C12orf54: variants seen among roughly 807,000 people sequenced by gnomAD.
C12orf54 encodes uncharacterized protein C12orf54.
A neutral mutation model predicts 26.4 loss-of-function variants in C12orf54; 24 were observed. That is an observed-to-expected ratio of 0.91 (90% CI 0.66 to 1.28). C12orf54 has a LOEUF of 1.28. C12orf54 is among the 50% of genes most tolerant of loss of function. C12orf54 has a pLI of 0.00. For missense variants in C12orf54, 154 were observed against 150.9 expected, an observed-to-expected ratio of 1.02 and a Z score of -0.11; for synonymous variants, 54 against 47.0, an observed-to-expected ratio of 1.15 and a Z score of -0.61.
intron 6 of C12orf54, among the ~76,000 whole-genome samples, chr12:48,491,600 C>T (rs551304432): frequency 6.6e-6 from 1 of 152,100 alleles, no homozygotes; most frequent in South Asian, 2.1e-4. Context: ...AAAAGGGGAA[C>T]AGCTTCCCAA....
chr12:48,439,806 G>GGT, the C12orf54 span, among the ~76,000 whole-genome samples: 1 of 152,010 alleles, frequency 6.6e-6, no homozygotes, highest in Non-Finnish European at 1.5e-5. Context: ...TAAATGATGA[G>GGT]GTAATGGGTG....
intron 8 of C12orf54, 120 bp from the exon 9 acceptor site, chr12:48,496,061 G>A (rs992773330): frequency 6.6e-6 from 1 of 152,208 alleles, no homozygotes; most frequent in African/African-American, 2.4e-5. Context: ...GGGGTCATGA[G>A]GGTAGAAGCG....
intron 3 of C12orf54, 126 bp from the exon 4 acceptor site, chr12:48,486,562 G>A (rs1490825800): frequency 4.1e-5 from 39 of 948,830 alleles, no homozygotes; most frequent in Non-Finnish European, 5.5e-5. Context: ...CTGAGAAATG[G>A]GGTGATTTTG....
chr12:48,463,038 A>C, the C12orf54 span, among the ~76,000 whole-genome samples: 1 of 151,966 alleles, frequency 6.6e-6, no homozygotes, highest in African/African-American at 2.4e-5. Context: ...GAGTTTAGCA[A>C]GGTTGCAGAA....
the C12orf54 span, among the ~76,000 whole-genome samples, chr12:48,423,785 A>G: frequency 6.6e-6 from 1 of 152,040 alleles, no homozygotes; most frequent in Non-Finnish European, 1.5e-5. Flanking sequence ...CCATTAATCT[A>G]TTAATAAAGA....
the C12orf54 span, among the ~76,000 whole-genome samples, chr12:48,432,067 A>G: frequency 6.6e-6 from 1 of 152,236 alleles, no homozygotes; most frequent in Non-Finnish European, 1.5e-5. Context: ...GGAAATTCCT[A>G]AGTTAAATAC....
At chr12:48,477,971 T>C (rs1381287668), upstream of C12orf54, among the ~76,000 whole-genome samples, 1 of 152,154 alleles carries the variant, frequency 6.6e-6, no homozygotes, top group Non-Finnish European at 1.5e-5. Flanking sequence ...CCAATATCCT[T>C]GATGAACATT....
chr12:48,480,608 G>C (rs575926224), upstream of C12orf54, among the ~76,000 whole-genome samples: 2 of 152,086 alleles, frequency 1.3e-5, no homozygotes, highest in Admixed American at 1.3e-4. Flanking sequence ...ACTGCTGGTG[G>C]GGATGCAAAT....
chr12:48,451,783 G>A, the C12orf54 span, among the ~76,000 whole-genome samples: 4 of 152,284 alleles, frequency 2.6e-5, no homozygotes, highest in South Asian at 8.3e-4. Context: ...GCTAAGAAGG[G>A]AAGCAAAGGA....
At chr12:48,486,659 T>C (rs368400029) in intron 3 of C12orf54, 29 bp from the exon 4 acceptor site, 1 of 1,601,440 alleles carries the variant, frequency 6.2e-7, no homozygotes, top group East Asian at 2.2e-5. Context: ...TGGGATATTG[T>C]TTCCAACATT....
chr12:48,453,159 A>G, the C12orf54 span, among the ~76,000 whole-genome samples: 3 of 152,194 alleles, frequency 2.0e-5, no homozygotes, highest in African/African-American at 7.2e-5. Flanking sequence ...ATGCAGCCAT[A>G]AAAAGGAACG....
At chr12:48,483,452 A>C in intron 2 of C12orf54, 91 bp downstream of exon 2, 1 of 1,231,152 alleles carries the variant, frequency 8.1e-7, no homozygotes, top group Non-Finnish European at 1.2e-6. Flanking sequence ...ATGGCTCTTC[A>C]TTTGGCTTCA....
At chr12:48,492,496 G>A (rs757626708) in intron 6 of C12orf54, among the ~76,000 whole-genome samples, 57 of 152,196 alleles carry the variant, frequency 3.7e-4, no homozygotes, top group Non-Finnish European at 1.6e-4. Context: ...TACCTGGGCT[G>A]TAAAAAGGTG....
the C12orf54 span, among the ~76,000 whole-genome samples, chr12:48,418,494 A>T: frequency 1.3e-5 from 2 of 152,214 alleles, no homozygotes; most frequent in Non-Finnish European, 2.9e-5. Flanking sequence ...AAAGGAAGAG[A>T]TGACTTAACA....
At chr12:48,487,537 G>T (rs1937678061) in intron 4 of C12orf54, among the ~76,000 whole-genome samples, 1 of 152,270 alleles carries the variant, frequency 6.6e-6, no homozygotes, top group East Asian at 1.9e-4. Context: ...ACTATTTCAT[G>T]TTCTTACAAT....
At chr12:48,471,476 G>C in the C12orf54 span, among the ~76,000 whole-genome samples, 21 of 152,134 alleles carry the variant, frequency 1.4e-4, no homozygotes, top group African/African-American at 4.6e-4. Flanking sequence ...ATAGGTTGAA[G>C]TCTTGCATTT....
chr12:48,482,288 A>G (rs1414656998), upstream of C12orf54, among the ~76,000 whole-genome samples: 1 of 152,218 alleles, frequency 6.6e-6, no homozygotes, highest in African/African-American at 2.4e-5. Context: ...TGGATTTCCA[A>G]TGCAATGGGT....
chr12:48,492,818 G>A (rs904906202), intron 6 of C12orf54, 129 bp from the exon 7 acceptor site: 1 of 747,282 alleles, frequency 1.3e-6, no homozygotes, highest in African/African-American at 1.7e-5. Flanking sequence ...CCTGTTAGGT[G>A]GTCAGTGTCC....
the C12orf54 span, among the ~76,000 whole-genome samples, chr12:48,420,894 G>C: frequency 6.6e-6 from 1 of 152,066 alleles, no homozygotes; most frequent in Non-Finnish European, 1.5e-5. Context: ...GGTACATATT[G>C]ATGGATGGAT....
Sources: gnomAD v4.1 joint callset for allele counts (sites outside exome capture counted in the v4.1 genomes callset) on GRCh38, gnomAD v4.1.1 for gene constraint, MANE v1.5 for transcripts, NCBI Gene and HGNC (gene_info 2026-07-23, HGNC 2026-07-21) for gene names.